The following FHOD3 variants were observed in gnomAD, a reference collection of about 807,000 sequenced individuals.
FHOD3 encodes the protein FH1/FH2 domain-containing protein 3.
A neutral mutation model predicts 173.0 loss-of-function variants in FHOD3; 90 were observed. The ratio of observed to expected loss-of-function variants is 0.52; its 90% confidence interval spans 0.44 to 0.62. The LOEUF is 0.62. FHOD3 is among the 20% of genes least tolerant of loss of function. FHOD3 has a pLI of 0.00. For missense variants in FHOD3, 1,945 were observed against 2,034.7 expected (o/e 0.96, Z 0.85); for synonymous variants, 828 against 823.0 (o/e 1.01, Z -0.10).
chr18:36,338,998 A>G (rs1430573946), intron 1 of FHOD3, among the ~76,000 whole-genome samples: 2 of 152,112 alleles, frequency 1.3e-5, no homozygotes, highest in Non-Finnish European at 2.9e-5. Context: ...TTTTCAGCCC[A>G]GCCTGAGACT....
At chr18:36,333,303 T>C (rs1484731668) in intron 1 of FHOD3, among the ~76,000 whole-genome samples, 2 of 152,240 alleles carry the variant, frequency 1.3e-5, no homozygotes, top group East Asian at 3.8e-4. Context: ...AGACAGCTGC[T>C]GCTGGCTACC....
intron 3 of FHOD3, among the ~76,000 whole-genome samples, chr18:36,386,095 T>G (rs1455951393): frequency 1.3e-5 from 2 of 152,258 alleles, no homozygotes; most frequent in Non-Finnish European, 2.9e-5. Flanking sequence ...CTATTCAAAT[T>G]GCACCAAAAA....
chr18:36,654,029 C>T (rs1311136996), intron 13 of FHOD3, among the ~76,000 whole-genome samples: 2 of 151,912 alleles, frequency 1.3e-5, no homozygotes, highest in Admixed American at 6.6e-5. Flanking sequence ...AGAGTCGCTT[C>T]CTAACCCGTA....
intron 14 of FHOD3, 60 bp downstream of exon 14, chr18:36,658,248 T>A: frequency 8.6e-7 from 1 of 1,164,828 alleles, no homozygotes; most frequent in Non-Finnish European, 1.2e-6. Flanking sequence ...ATCAATTTGG[T>A]TAAGTGTGGT....
Position 36,321,747 on chromosome 18 carries a change from G to A in FHOD3, c.165+23747G>A, listed in dbSNP as rs75313025. ...GACCAGGGCTGTGAGCCCTCCGTGC[G>A]TGGTGCTATTTGTAACAGCTGGAGA... On this transcript the variant is annotated intron_variant, in intron 1 of 28. Transcript: ENST00000590592. Among the ~76,000 whole-genome samples the A allele has an allele frequency of 2.7e-3, 409 of 152,294 alleles. 8 individuals are homozygous for A. In the East Asian group the frequency reaches 0.057, roughly 21 times the overall value.
chr18:36,409,644 A>ATG (rs35050266), intron 3 of FHOD3, among the ~76,000 whole-genome samples: 32,592 of 152,094 alleles, frequency 0.21, 4,079 homozygotes, highest in East Asian at 0.67. Context: ...TACTCAATAA[A>ATG]TGTTTAGTGA....
intron 28 of FHOD3, among the ~76,000 whole-genome samples, chr18:36,771,046 T>C (rs1291566961): frequency 6.6e-6 from 1 of 152,238 alleles, no homozygotes; most frequent in Non-Finnish European, 1.5e-5. Context: ...TATTTTCCTA[T>C]ATTCTCACTG....
intron 6 of FHOD3, among the ~76,000 whole-genome samples, chr18:36,585,363 C>T (rs577268490): frequency 5.9e-4 from 90 of 152,222 alleles, no homozygotes; most frequent in African/African-American, 1.9e-3. Context: ...GCTCTTCTAC[C>T]GGCCACTTGG....
intron 1 of FHOD3, among the ~76,000 whole-genome samples, chr18:36,321,220 A>G (rs1296801551): frequency 1.3e-5 from 2 of 152,160 alleles, no homozygotes; most frequent in Non-Finnish European, 2.9e-5. Context: ...GCCCAGGTGC[A>G]TGGTGGGATG....
intron 5 of FHOD3, among the ~76,000 whole-genome samples, chr18:36,533,636 C>A (rs1170372769): frequency 6.6e-6 from 1 of 152,086 alleles, no homozygotes; most frequent in Non-Finnish European, 1.5e-5. Context: ...GATAACTGGG[C>A]AGGTGGGTGG....
intron 3 of FHOD3, among the ~76,000 whole-genome samples, chr18:36,485,932 G>A (rs755007734): frequency 2.6e-5 from 4 of 152,116 alleles, no homozygotes; most frequent in African/African-American, 7.2e-5. Context: ...CTTTATTCAC[G>A]TGAATTACTG....
chr18:36,322,232 G>A (rs2044434118), intron 1 of FHOD3, among the ~76,000 whole-genome samples: 1 of 152,176 alleles, frequency 6.6e-6, no homozygotes, highest in Non-Finnish European at 1.5e-5. Flanking sequence ...GGCAGAGCTG[G>A]ATGGCACAGC....
intron 5 of FHOD3, among the ~76,000 whole-genome samples, chr18:36,556,496 T>C (rs1303328571): frequency 2.0e-5 from 3 of 152,208 alleles, no homozygotes; most frequent in Non-Finnish European, 4.4e-5. Context: ...CCAAGGATAC[T>C]AGACACAACT....
chr18:36,546,308 C>T (rs774165400), intron 5 of FHOD3, among the ~76,000 whole-genome samples: 10 of 152,218 alleles, frequency 6.6e-5, no homozygotes, highest in Admixed American at 2.0e-4. Context: ...TTTTATTCCA[C>T]ATCTGTGTTT....
chr18:36,658,359 T>C lies in FHOD3; in HGVS notation c.1835+171T>C, dbSNP rs8095803. ...TTTCTCTTTCTTTCACACTATTTACTAAGCAAATATTTTATTAGAGGTGAT... is the reference window on the plus strand; with the variant it reads ...TTTCTCTTTCTTTCACACTATTTACCAAGCAAATATTTTATTAGAGGTGAT... On this transcript the variant is annotated intron_variant, in intron 14 of 28. Coordinates refer to ENST00000590592, the MANE Select transcript of FHOD3 (RefSeq NM_001281740.3). Among the ~76,000 whole-genome samples the C allele has an allele frequency of 3.3e-3, 501 of 152,358 alleles. 3 individuals carry two copies. The highest frequency in any genetic ancestry group is 0.011 in the African/African-American group (478 of 41,588).
intron 1 of FHOD3, among the ~76,000 whole-genome samples, chr18:36,300,900 C>G (rs142898259): frequency 0.013 from 1,995 of 152,120 alleles, 36 homozygotes; most frequent in African/African-American, 0.045. Context: ...ACCACCACAC[C>G]TTGCTAATTT....
intron 22 of FHOD3, 92 bp from the exon 23 acceptor site, chr18:36,743,940 G>A: frequency 7.2e-7 from 1 of 1,396,396 alleles, no homozygotes; most frequent in South Asian, 1.2e-5. Context: ...CTGAATGTTG[G>A]GTGACTGCAG....
At chr18:36,382,128 T>C (rs2047822203) in intron 3 of FHOD3, among the ~76,000 whole-genome samples, 2 of 152,204 alleles carry the variant, frequency 1.3e-5, no homozygotes, top group South Asian at 4.1e-4. Flanking sequence ...GCAAGACTGC[T>C]CCATGGAACA....
At chr18:36,621,114 T>G (rs2033670257) in intron 9 of FHOD3, among the ~76,000 whole-genome samples, 2 of 152,228 alleles carry the variant, frequency 1.3e-5, no homozygotes, top group South Asian at 4.1e-4. Flanking sequence ...TGGCTTCATA[T>G]TATTTTTTTC....
Sources: gnomAD v4.1 joint callset for allele counts (sites outside exome capture counted in the v4.1 genomes callset) on GRCh38, gnomAD v4.1.1 for gene constraint, MANE v1.5 for transcripts, NCBI Gene and HGNC (gene_info 2026-07-23, HGNC 2026-07-21) for gene names.